Variants in DLGAP1 observed in about 807,000 individuals in gnomAD.
DLGAP1 encodes the protein disks large-associated protein 1.
A neutral mutation model predicts 90.8 loss-of-function variants in DLGAP1; 11 were observed. The ratio of observed to expected loss-of-function variants is 0.12; its 90% CI spans 0.08 to 0.20. The LOEUF (loss-of-function observed/expected upper bound fraction) is 0.20. Ranked by LOEUF, DLGAP1 falls within the 10% of genes least tolerant of loss-of-function variation. DLGAP1 has a pLI of 1.00. For synonymous variants in DLGAP1, 558 were observed against 540.7 expected (o/e 1.03, Z -0.44); for missense variants, 1,050 against 1,333.8 (o/e 0.79, Z 3.31).
chr18:3,620,045 A>G (rs999612348), intron 7 of DLGAP1, among the ~76,000 whole-genome samples: 7 of 151,892 alleles, frequency 4.6e-5, no homozygotes. Context: ...CCATCTTTTA[A>G]TCTTTGAAAT....
At chr18:3,618,285 A>G (rs1264947747) in intron 7 of DLGAP1, among the ~76,000 whole-genome samples, 9 of 152,196 alleles carry the variant, frequency 5.9e-5, no homozygotes, top group African/African-American at 2.2e-4. Context: ...AAACCCATGA[A>G]TCAATAATAA....
intron 1 of DLGAP1, among the ~76,000 whole-genome samples, chr18:4,224,251 G>A (rs77043808): frequency 6.6e-5 from 10 of 152,338 alleles, no homozygotes; most frequent in African/African-American, 1.2e-4. Flanking sequence ...TCTGAGATGT[G>A]CTGACTTCAG....
chr18:4,158,247 T>G (rs1001421017), intron 1 of DLGAP1, among the ~76,000 whole-genome samples: 1 of 149,572 alleles, frequency 6.7e-6, no homozygotes, highest in African/African-American at 2.4e-5. Flanking sequence ...ACAAAGTGAA[T>G]GGTAAAATTT....
intron 7 of DLGAP1, among the ~76,000 whole-genome samples, chr18:3,596,341 A>G (rs1221221977): frequency 1.3e-5 from 2 of 151,796 alleles, no homozygotes; most frequent in Non-Finnish European, 2.9e-5. Flanking sequence ...TATATTTTTA[A>G]TAGAGACGGG....
At chr18:3,799,499 C>CTTT (rs36090682) in intron 5 of DLGAP1, among the ~76,000 whole-genome samples, 1 of 144,164 alleles carries the variant, frequency 6.9e-6, no homozygotes, top group Non-Finnish European at 1.5e-5. Flanking sequence ...AACGTAGTGC[C>CTTT]TTTTTTTTTT....
rs929878903 is a variant in DLGAP1, at chr18:3,536,287, A to C, written c.2058-1672T>G. Among the ~76,000 whole-genome samples the C allele has an allele frequency of 2.0e-5, 3 of 148,088 alleles. No individual in the cohort carries two copies. In the Admixed American group the frequency reaches 2.0e-4, roughly 10 times the overall value. Reference sequence around the variant, plus strand: ...TGCCCAGGCTGGAGTGCAGTGGCACAACCTCAACTCACTGCAACCTGTGAC... The same window carrying C: ...TGCCCAGGCTGGAGTGCAGTGGCACCACCTCAACTCACTGCAACCTGTGAC... On this transcript the variant is annotated intron_variant, in intron 9 of 12. Transcript: ENST00000315677.
At chr18:4,422,084 A>T (rs1247898482) in intron 1 of DLGAP1, among the ~76,000 whole-genome samples, 1 of 152,172 alleles carries the variant, frequency 6.6e-6, no homozygotes. Flanking sequence ...TCATATGTGA[A>T]TGTGCAAGTG....
chr18:3,862,718 T>C (rs2070152223), intron 4 of DLGAP1, among the ~76,000 whole-genome samples: 1 of 152,258 alleles, frequency 6.6e-6, no homozygotes, highest in Non-Finnish European at 1.5e-5. Flanking sequence ...AAGTGAGTTG[T>C]ACTTATTGAA....
intron 1 of DLGAP1, among the ~76,000 whole-genome samples, chr18:4,351,014 G>A (rs964005550): frequency 3.9e-5 from 6 of 152,096 alleles, no homozygotes; most frequent in Non-Finnish European, 8.8e-5. Flanking sequence ...ATTTCTTTAG[G>A]AGTTTAGTGA....
intron 3 of DLGAP1, among the ~76,000 whole-genome samples, chr18:3,936,878 A>T (rs2148939721): frequency 6.6e-6 from 1 of 152,310 alleles, no homozygotes; most frequent in African/African-American, 2.4e-5. Context: ...GGAGGTTGAA[A>T]TCCAAGGAGG....
At chr18:3,593,302 CAGA>C (rs1255794085) in intron 7 of DLGAP1, among the ~76,000 whole-genome samples, 9 of 152,166 alleles carry the variant, frequency 5.9e-5, no homozygotes, top group South Asian at 2.1e-4. Context: ...TAAAATATTG[CAGA>C]AGGAGAGAAA....
intron 2 of DLGAP1, among the ~76,000 whole-genome samples, chr18:4,045,909 G>A (rs1464426898): frequency 6.6e-6 from 1 of 151,478 alleles, no homozygotes; most frequent in Non-Finnish European, 1.5e-5. Context: ...CAAAGTGCTG[G>A]GGTTATATGT....
At chr18:3,955,071 G>C (rs573677688) in intron 3 of DLGAP1, among the ~76,000 whole-genome samples, 7 of 152,132 alleles carry the variant, frequency 4.6e-5, no homozygotes, top group East Asian at 3.9e-4. Flanking sequence ...TCCAGGCTGC[G>C]GGGGGGAAGG....
rs140278227 is a variant in DLGAP1 at position 4,216,591 on chromosome 18, G to A, written c.-266-65304C>T. Among the ~76,000 whole-genome samples, 933 of 152,158 alleles carry A rather than the reference G, an allele frequency of 6.1e-3. 6 individuals are homozygous for A. Among genetic ancestry groups the A allele is most frequent in the Admixed American group, 0.013 (197 of 15,262 alleles). On this transcript the variant is annotated intron_variant, in intron 1 of 12. Transcript: ENST00000315677. ...AGCTTAATGCAACAATGATTGAATC[G>A]TAGAGTTACCTTGTACTATCTTTGT...
At chr18:3,669,335 C>T (rs983941580) in intron 7 of DLGAP1, among the ~76,000 whole-genome samples, 4 of 152,044 alleles carry the variant, frequency 2.6e-5, no homozygotes, top group African/African-American at 9.7e-5. Context: ...GGGCTCTACC[C>T]CCACGGACCT....
intron 3 of DLGAP1, among the ~76,000 whole-genome samples, chr18:3,904,607 C>A (rs967414397): frequency 6.6e-6 from 1 of 152,146 alleles, no homozygotes; most frequent in African/African-American, 2.4e-5. Flanking sequence ...ATTAAAGAAT[C>A]TATTCAAACC....
At chr18:3,500,294 T>C (rs2049862775) in intron 12 of DLGAP1, among the ~76,000 whole-genome samples, 1 of 151,980 alleles carries the variant, frequency 6.6e-6, no homozygotes. Flanking sequence ...CAGGAAAGAA[T>C]GGCGTCTAGA....
At chr18:3,959,141 T>C (rs766216961) in intron 3 of DLGAP1, among the ~76,000 whole-genome samples, 4 of 152,210 alleles carry the variant, frequency 2.6e-5, no homozygotes, top group Non-Finnish European at 4.4e-5. Context: ...TAGTAGCCAG[T>C]AGGCTAACTT....
chr18:4,088,960 G>A (rs1365754479), intron 2 of DLGAP1, among the ~76,000 whole-genome samples: 1 of 152,214 alleles, frequency 6.6e-6, no homozygotes, highest in Non-Finnish European at 1.5e-5. Context: ...AGCGCAAGCA[G>A]GCAAGAGAAA....
Sources: allele counts gnomAD v4.1 joint callset (sites outside exome capture counted in the v4.1 genomes callset), GRCh38; gene constraint gnomAD v4.1.1; transcripts MANE v1.5; gene names NCBI Gene and HGNC (gene_info 2026-07-23, HGNC 2026-07-21).